The following SPAG11A variants were observed in gnomAD, a reference collection of about 807,000 sequenced individuals.
SPAG11A encodes sperm-associated antigen 11A.
SPAG11A carries 2 observed loss-of-function variants against 5.5 expected under a neutral mutation model. The ratio of observed to expected loss-of-function variants is 0.37; its 90% CI spans 0.15 to 1.15. The LOEUF is 1.15. SPAG11A is among the 50% of genes most tolerant of loss of function. The probability of loss-of-function intolerance (pLI) is 0.38; values close to 1 mark genes in which losing one functional copy is unlikely to be tolerated. For synonymous variants in SPAG11A, 11 were observed against 42.7 expected (o/e 0.26, Z 2.90); for missense variants, 24 against 122.5 (o/e 0.20, Z 3.80).
intron 2 of SPAG11A, 41 bp from the exon 3 acceptor site, chr8:7,860,605 T>C (rs769607689): frequency 7.1e-7 from 1 of 1,402,794 alleles, no homozygotes; most frequent in South Asian, 1.5e-5. Flanking sequence ...TTCTCTGCAC[T>C]ATATGAGTTA....
chr8:7,860,494 A>G, intron 2 of SPAG11A, 152 bp from the exon 3 acceptor site: 3 of 1,378,094 alleles, frequency 2.2e-6, no homozygotes, highest in Admixed American at 2.1e-5. Context: ...TTCCTGTTTT[A>G]AAGCTAAGAG....
chr8:7,852,270 T>C (rs2128926874), intron 2 of SPAG11A, among the ~76,000 whole-genome samples: 1 of 152,362 alleles, frequency 6.6e-6, no homozygotes, highest in East Asian at 1.9e-4. Flanking sequence ...ATTTTTTCTC[T>C]TCTGTAAAAT....
downstream of SPAG11A, chr8:7,860,967 T>G: frequency 2.4e-6 from 2 of 817,172 alleles, no homozygotes; most frequent in Middle Eastern, 3.8e-4. Context: ...TAAAAGACAT[T>G]TTTTTAACTT....
At chr8:7,860,486 C>G in intron 2 of SPAG11A, 160 bp from the exon 3 acceptor site, 3 of 1,390,414 alleles carry the variant, frequency 2.2e-6, no homozygotes, top group Non-Finnish European at 2.9e-6. Flanking sequence ...AATTATCGTT[C>G]CTGTTTTAAA....
At chr8:7,860,303 C>T in intron 2 of SPAG11A, 1 of 1,413,760 alleles carries the variant, frequency 7.1e-7, no homozygotes, top group Non-Finnish European at 9.6e-7. Context: ...CTGTCCTATT[C>T]TGGACCACTT....
chr8:7,862,880 TC>T (rs1818258380), downstream of SPAG11A, among the ~76,000 whole-genome samples: 1 of 53,300 alleles, frequency 1.9e-5, no homozygotes, highest in African/African-American at 4.6e-5. Flanking sequence ...GGCTGTTTTT[TC>T]TTTTTCTTTT....
At chr8:7,848,450 G>T (rs1817849652) in intron 1 of SPAG11A, among the ~76,000 whole-genome samples, 1 of 141,678 alleles carries the variant, frequency 7.1e-6, no homozygotes, top group African/African-American at 2.6e-5. Flanking sequence ...TTGAGGAGGT[G>T]CTCAGACTCA....
At chr8:7,852,088 A>G (rs893780694) in intron 2 of SPAG11A, among the ~76,000 whole-genome samples, 1 of 137,486 alleles carries the variant, frequency 7.3e-6, no homozygotes, top group Non-Finnish European at 1.6e-5. Flanking sequence ...TAGTCGTTCA[A>G]TTAGTCCATG....
chr8:7,852,393 C>T (rs559151144), intron 2 of SPAG11A, among the ~76,000 whole-genome samples: 3 of 152,154 alleles, frequency 2.0e-5, no homozygotes, highest in Non-Finnish European at 4.4e-5. Context: ...GGCTCACCAC[C>T]ACCTCCACCT....
intron 2 of SPAG11A, among the ~76,000 whole-genome samples, chr8:7,852,616 A>G (rs1817975943): frequency 6.6e-6 from 1 of 152,228 alleles, no homozygotes; most frequent in Admixed American, 6.5e-5. Flanking sequence ...TACAGGCGTG[A>G]GCCACCGCGC....
chr8:7,852,473 A>G (rs372540837), intron 2 of SPAG11A, among the ~76,000 whole-genome samples: 54 of 152,212 alleles, frequency 3.5e-4, no homozygotes, highest in African/African-American at 1.3e-3. Flanking sequence ...AGCTGGGATT[A>G]CAGGTGTCCA....
chr8:7,852,230 G>C (rs1817946738), intron 2 of SPAG11A, among the ~76,000 whole-genome samples: 1 of 151,296 alleles, frequency 6.6e-6, no homozygotes, highest in Non-Finnish European at 1.5e-5. Flanking sequence ...TTACTGTGTA[G>C]TTGAGCGTTT....
At chr8:7,852,243 T>C (rs1389437070) in intron 2 of SPAG11A, among the ~76,000 whole-genome samples, 2 of 152,120 alleles carry the variant, frequency 1.3e-5, no homozygotes, top group Non-Finnish European at 2.9e-5. Flanking sequence ...GAGCGTTTTT[T>C]CTTTTGTTTA....
downstream of SPAG11A, among the ~76,000 whole-genome samples, chr8:7,861,615 TAATTCCAATAGTAGTG>T (rs1379178809): frequency 7.2e-6 from 1 of 138,624 alleles, no homozygotes; most frequent in African/African-American, 2.5e-5. Context: ...TGTTGAATAC[TAATTCCAATAGTAGTG>T]AACACCAATT....
At chr8:7,860,928 T>C in exon 3 of SPAG11A, 1 of 961,858 alleles carries the variant, frequency 1.0e-6, no homozygotes. Flanking sequence ...ATTTGTTGAA[T>C]GAATTTAGCA....
intron 2 of SPAG11A, chr8:7,860,408 G>T: frequency 7.0e-7 from 1 of 1,428,534 alleles, no homozygotes. Context: ...GCTTTTTAGG[G>T]CCTAGATGGG....
chr8:7,860,278 C>G, intron 2 of SPAG11A: 1 of 1,362,984 alleles, frequency 7.3e-7, no homozygotes, highest in Non-Finnish European at 9.9e-7. Context: ...CTCTAATTTC[C>G]TTAGAGACCA....
chr8:7,863,771 A>G, downstream of SPAG11A: 1 of 591,516 alleles, frequency 1.7e-6, no homozygotes, highest in Non-Finnish European at 3.1e-6. Context: ...GCGAGGACAA[A>G]TAAAAGTAGT....
chr8:7,849,016 ACAGCTT>A (rs1322017785), intron 2 of SPAG11A, among the ~76,000 whole-genome samples, 173 bp downstream of exon 2: 3 of 74,764 alleles, frequency 4.0e-5, no homozygotes, highest in Admixed American at 1.6e-4. Flanking sequence ...ACGGGGTCTC[ACAGCTT>A]CCCCTGGGGC....
Sources: allele counts gnomAD v4.1 joint callset (sites outside exome capture counted in the v4.1 genomes callset), GRCh38; gene constraint gnomAD v4.1.1; transcripts MANE v1.5; gene names NCBI Gene and HGNC (gene_info 2026-07-23, HGNC 2026-07-21).